Variants in MICAL1 observed in about 807,000 individuals in gnomAD.
The protein encoded by MICAL1 is [F-actin]-monooxygenase MICAL1.
MICAL1 carries 95 observed loss-of-function variants against 131.8 expected under a neutral mutation model. That is an observed-to-expected ratio of 0.72 (90% CI 0.61 to 0.86). The LOEUF (loss-of-function observed/expected upper bound fraction) is 0.86, where lower values mean the gene tolerates loss of function less well. MICAL1 is among the 40% of genes least tolerant of loss of function. MICAL1 has a pLI of 0.00. For synonymous variants in MICAL1, 546 were observed against 554.2 expected, an observed-to-expected ratio of 0.99 and a Z score of 0.21; for missense variants, 1,292 against 1,380.6, an observed-to-expected ratio of 0.94 and a Z score of 1.02.
Position 109,444,123 on chromosome 6 carries a change from C to A in MICAL1, c.*68G>T, listed in dbSNP as rs988807617. Reference sequence around the variant, plus strand: ...CTCTCTGCCAGGCAGCCCAGATGAACAGGGGTGGCACTGTGCTGGGGTGAG... The same window carrying A: ...CTCTCTGCCAGGCAGCCCAGATGAAAAGGGGTGGCACTGTGCTGGGGTGAG... On this transcript the variant is annotated 3_prime_UTR_variant, in exon 25 of 25. Coordinates refer to ENST00000358807, the MANE Select transcript of MICAL1 (RefSeq NM_022765.4). 7 of 1,556,426 alleles carry A rather than the reference C, an allele frequency of 4.5e-6. No individual in the cohort carries two copies. The African/African-American group carries it at 6.9e-5, about 15-fold the overall frequency.
chr6:109,449,341 C>A (rs756859034), intron 11 of MICAL1, 59 bp downstream of exon 11: 1 of 1,569,628 alleles, frequency 6.4e-7, no homozygotes, highest in East Asian at 2.2e-5. Context: ...GCAGGGACCA[C>A]CTGGGCCTCG....
chr6:109,453,908 C>T (rs1340486187), intron 2 of MICAL1, 31 bp downstream of exon 2: 18 of 1,611,452 alleles, frequency 1.1e-5, no homozygotes, highest in Non-Finnish European at 1.5e-5. Flanking sequence ...CCCGCATGCT[C>T]CACACCCCAT....
intron 6 of MICAL1, 163 bp from the exon 7 acceptor site, chr6:109,451,863 C>T: frequency 7.1e-7 from 1 of 1,415,482 alleles, no homozygotes; most frequent in Non-Finnish European, 9.2e-7. Flanking sequence ...AAACAACCAT[C>T]TGTCCCAGGC....
chr6:109,456,201 G>GC (rs897532885), upstream of MICAL1, among the ~76,000 whole-genome samples: 1 of 152,174 alleles, frequency 6.6e-6, no homozygotes, highest in African/African-American at 2.4e-5. Flanking sequence ...AGGACCACCC[G>GC]CCCCCGCCGC....
At chr6:109,448,157 A>ACACC (rs1345316280) in intron 13 of MICAL1, 46 bp downstream of exon 13, 2 of 1,504,374 alleles carry the variant, frequency 1.3e-6, no homozygotes, top group Non-Finnish European at 1.8e-6. Context: ...ACACACACAC[A>ACACC]CACCTCCCCA....
At chr6:109,444,405 A>C in intron 24 of MICAL1, 66 bp from the exon 25 acceptor site, 1 of 1,599,688 alleles carries the variant, frequency 6.3e-7, no homozygotes, top group Middle Eastern at 1.7e-4. Flanking sequence ...GCCACAACCT[A>C]ATCCCAGCCT....
chr6:109,452,719 G>T, intron 4 of MICAL1, 104 bp from the exon 5 acceptor site: 1 of 792,890 alleles, frequency 1.3e-6, no homozygotes, highest in Non-Finnish European at 2.0e-6. Flanking sequence ...AGGACTCTCT[G>T]GTTTAGAAAG....
Position 109,448,745 on chromosome 6 carries a change from G to A in MICAL1, c.1651C>T (p.Gln551Ter), listed in dbSNP as rs749528162. 6.2e-7 allele frequency: 1 copy of A among 1,614,014 alleles called. No individual in the cohort carries two copies. ...LALCALVYRL[Q>*]PGLLEPSELQ... ...CCAGGGACTCACAGCAGGCCAGGCT[G>A]CAGCCGGTACACCAGGGCACACAGA... Residue 551 changes from glutamine (Q) to a stop codon, truncating the protein, a stop_gained, in exon 12 of 25, where the codon CAG becomes TAG. Transcript: ENST00000358807. LOFTEE classifies it high-confidence loss of function.
Position 109,448,187 on chromosome 6 carries a change from C to A in MICAL1, c.1855+16G>T, listed in dbSNP as rs1328492774. ...TCCCCATCCCAGTTATCCTGCCCGC[C>A]TTTCCTTCAGGTCACCTGGGCTGTG... On this transcript the variant is annotated intron_variant, in intron 13 of 24. Coordinates refer to ENST00000358807, the MANE Select transcript of MICAL1 (RefSeq NM_022765.4). 6.3e-7 allele frequency: 1 copy of A among 1,598,514 alleles called. No individual in the cohort carries two copies. Among genetic ancestry groups the A allele is most frequent in the Admixed American group, 1.7e-5 (1 of 59,798 alleles).
Position 109,449,770 on chromosome 6 carries a change from G to A in MICAL1, c.1321C>T (p.Gln441Ter). The A allele has an allele frequency of 6.2e-7, 1 of 1,609,154 alleles. No homozygotes were observed. The highest frequency in any genetic ancestry group is 8.5e-7 in the Non-Finnish European group (1 of 1,177,574). ...TCTGGGGATGTCTGTGACAGAAGCT[G>A]GTACAGGCTCTCACTGAGGGGGTGA... ...EVLAERESLY[Q>*]LLSQTSPENM... Residue 441 changes from glutamine (Q) to a stop codon, truncating the protein, a stop_gained, in exon 10 of 25, where the codon CAG becomes TAG. Transcript: ENST00000358807. LOFTEE classifies it high-confidence loss of function.
upstream of MICAL1, among the ~76,000 whole-genome samples, chr6:109,456,759 T>G (rs1775762624): frequency 6.6e-6 from 1 of 152,232 alleles, no homozygotes; most frequent in Non-Finnish European, 1.5e-5. Context: ...ACCGTCATCC[T>G]ATGAGTATTA....
chr6:109,455,087 A>C lies in MICAL1; in HGVS notation c.-44+632T>G, dbSNP rs1035873443. Reference sequence around the variant, plus strand: ...GTGCGCCCGGGCGCGCTCTCCCAGGAATCTCCGGAGACAAAGCCTCGCTTT... The same window carrying C: ...GTGCGCCCGGGCGCGCTCTCCCAGGCATCTCCGGAGACAAAGCCTCGCTTT... On this transcript the variant is annotated intron_variant, in intron 1 of 24. Transcript: ENST00000358807. This position sits in a 1 kb window ranked among gnomAD's most constrained non-coding sequence, Gnocchi z 4.7. Among the ~76,000 whole-genome samples the C allele has an allele frequency of 2.1e-5, 3 of 146,132 alleles. No individual in the cohort carries two copies. The highest frequency in any genetic ancestry group is 7.6e-5 in the African/African-American group (3 of 39,626).
intron 9 of MICAL1, 41 bp downstream of exon 9, chr6:109,449,929 A>G (rs1425226658): frequency 1.2e-5 from 19 of 1,606,516 alleles, no homozygotes; most frequent in South Asian, 2.2e-5. Context: ...ACCTTGTCAC[A>G]TGTCCTGCCC....
upstream of MICAL1, among the ~76,000 whole-genome samples, chr6:109,459,448 T>A (rs994562810): frequency 6.6e-6 from 1 of 152,116 alleles, no homozygotes; most frequent in Non-Finnish European, 1.5e-5. Flanking sequence ...TGACATAACA[T>A]GGCCATGAAT....
chr6:109,444,632 T>C (rs1022173787), intron 24 of MICAL1, 93 bp downstream of exon 24: 1 of 1,434,134 alleles, frequency 7.0e-7, no homozygotes, highest in Non-Finnish European at 9.8e-7. Flanking sequence ...GTACACAGAC[T>C]AGAGCATCAT....
chr6:109,453,629 G>GGT lies in MICAL1; in HGVS notation c.466+7_466+8dup. 1 of 1,586,986 alleles carries GGT rather than the reference G, an allele frequency of 6.3e-7. No individual in the cohort carries two copies. Among genetic ancestry groups the GGT allele is most frequent in the Non-Finnish European group, 8.6e-7 (1 of 1,166,912 alleles). ...CACCCGCCCCTCCAGGCCACCACGTGGTGCTCACTGATGTGGTCCAGGGTG... is the reference window on the plus strand; with the variant it reads ...CACCCGCCCCTCCAGGCCACCACGTGGTGTGCTCACTGATGTGGTCCAGGGTG... On this transcript the variant is annotated intron_variant, in intron 3 of 24. Transcript: ENST00000358807.
At position 109,448,816 on chromosome 6, in the gene MICAL1, C is replaced by A; in HGVS notation, c.1580G>T (p.Gly527Val). 1.9e-6 allele frequency: 3 copies of A among 1,614,038 alleles called. No homozygotes were observed. The highest frequency in any genetic ancestry group is 2.5e-6 in the Non-Finnish European group (3 of 1,179,984). Residue 527 changes from glycine (G) to valine (V), a missense_variant, in exon 12 of 25, where the codon GGA becomes GTA. Coordinates refer to ENST00000358807, the MANE Select transcript of MICAL1 (RefSeq NM_022765.4). ...WCQEQTAGYP[G>V]VHVSDLSSSW... is the part of the protein sequence containing the mutation. ...GGAAGACAAATCGGAGACGTGGACTCCCGGGTACCCAGCTGTCTGCTCCTG... is the reference window on the plus strand; with the variant it reads ...GGAAGACAAATCGGAGACGTGGACTACCGGGTACCCAGCTGTCTGCTCCTG...
intron 8 of MICAL1, 83 bp downstream of exon 8, chr6:109,450,217 A>G: frequency 6.4e-7 from 1 of 1,565,774 alleles, no homozygotes; most frequent in Admixed American, 1.8e-5. Context: ...TCCCCTCTGC[A>G]GGCAGACCTT....
At chr6:109,448,542 C>A (rs1775353126) in intron 12 of MICAL1, 149 bp from the exon 13 acceptor site, 3 of 1,253,772 alleles carry the variant, frequency 2.4e-6, no homozygotes, top group Non-Finnish European at 3.4e-6. Flanking sequence ...TACCCAGTGC[C>A]CAACCCAGTG....
Sources: gnomAD v4.1 joint callset for allele counts (sites outside exome capture counted in the v4.1 genomes callset) on GRCh38, gnomAD v4.1.1 for gene constraint, Gnocchi (gnomAD v3.1) non-coding constraint, MANE v1.5 for transcripts, NCBI Gene and HGNC (gene_info 2026-07-23, HGNC 2026-07-21) for gene names.